CEP63: variants seen among roughly 807,000 people sequenced by gnomAD.
The protein encoded by CEP63 is centrosomal protein of 63 kDa.
Under a neutral mutation model 89.1 loss-of-function variants are expected in CEP63, and 84 were observed. The ratio of observed to expected loss-of-function variants is 0.94; its 90% CI spans 0.79 to 1.13. The LOEUF is 1.13. CEP63 is among the 50% of genes most tolerant of loss of function. The probability of loss-of-function intolerance (pLI) is 0.00; values close to 1 mark genes in which losing one functional copy is unlikely to be tolerated. For synonymous variants in CEP63, 267 were observed against 272.5 expected (o/e 0.98, Z 0.20); for missense variants, 838 against 813.3 (o/e 1.03, Z -0.37).
the CEP63 span, among the ~76,000 whole-genome samples, chr3:134,693,851 C>G: frequency 3.9e-5 from 6 of 152,160 alleles, no homozygotes; most frequent in Non-Finnish European, 5.9e-5. Flanking sequence ...GACCGATTAC[C>G]GGGGGCCTGG....
the CEP63 span, among the ~76,000 whole-genome samples, chr3:134,691,822 C>T: frequency 6.6e-6 from 1 of 151,920 alleles, no homozygotes; most frequent in African/African-American, 2.4e-5. Context: ...CGGGTTCAAG[C>T]GATTCTCCTG....
chr3:134,538,573 A>ATATATATATATGTAT (rs1951352612), intron 6 of CEP63, among the ~76,000 whole-genome samples: 1 of 141,818 alleles, frequency 7.1e-6, no homozygotes, highest in Non-Finnish European at 1.5e-5. Context: ...ATATTTTTTT[A>ATATATATATATGTAT]ACAACAAAAA....
At chr3:134,554,824 C>A (rs1955794533) in intron 12 of CEP63, among the ~76,000 whole-genome samples, 2 of 152,166 alleles carry the variant, frequency 1.3e-5, no homozygotes, top group African/African-American at 4.8e-5. Flanking sequence ...TTGCACTTCT[C>A]TGATGGCCAG....
intron 2 of CEP63, among the ~76,000 whole-genome samples, chr3:134,500,800 C>T (rs949552194): frequency 8.6e-5 from 13 of 151,978 alleles, no homozygotes; most frequent in Non-Finnish European, 1.6e-4. Context: ...TTCGCTCTGT[C>T]GGTAGTTTTT....
intron 2 of CEP63, among the ~76,000 whole-genome samples, chr3:134,502,405 C>T (rs988071222): frequency 6.6e-6 from 1 of 152,100 alleles, no homozygotes; most frequent in Non-Finnish European, 1.5e-5. Flanking sequence ...GGTACTACCT[C>T]TTATTTATAT....
chr3:134,588,839 G>T (rs1958540410), downstream of CEP63, among the ~76,000 whole-genome samples: 1 of 152,108 alleles, frequency 6.6e-6, no homozygotes, highest in Admixed American at 6.6e-5. Context: ...AGAAAAAAAT[G>T]TAAAGATACA....
intron 3 of CEP63, among the ~76,000 whole-genome samples, chr3:134,516,927 A>C (rs1248825953): frequency 1.3e-5 from 2 of 152,282 alleles, no homozygotes; most frequent in African/African-American, 4.8e-5. Flanking sequence ...AAAGCTGCTT[A>C]GATGAAATCT....
At chr3:134,635,287 A>G in the CEP63 span, among the ~76,000 whole-genome samples, 1 of 152,126 alleles carries the variant, frequency 6.6e-6, no homozygotes, top group Non-Finnish European at 1.5e-5. Flanking sequence ...ACTTGAGGTC[A>G]GGAGTTTGAG....
the CEP63 span, among the ~76,000 whole-genome samples, chr3:134,635,851 A>G: frequency 1.3e-5 from 2 of 152,258 alleles, no homozygotes; most frequent in Admixed American, 6.5e-5. Context: ...AACTCCTTTA[A>G]GACTTCATTT....
intron 3 of CEP63, among the ~76,000 whole-genome samples, chr3:134,522,410 C>T (rs1220815805): frequency 6.6e-6 from 1 of 151,954 alleles, no homozygotes; most frequent in Admixed American, 6.6e-5. Flanking sequence ...AAGAAGAGAG[C>T]CAAATGAGAG....
chr3:134,711,924 G>A, the CEP63 span, among the ~76,000 whole-genome samples: 2 of 151,744 alleles, frequency 1.3e-5, no homozygotes, highest in South Asian at 2.1e-4. Flanking sequence ...CACCATGCCC[G>A]GCTAATTTTT....
At chr3:134,674,466 A>T in the CEP63 span, among the ~76,000 whole-genome samples, 1 of 152,260 alleles carries the variant, frequency 6.6e-6, no homozygotes, top group Non-Finnish European at 1.5e-5. Context: ...ATCCATGAAT[A>T]TCACACAGCC....
the CEP63 span, among the ~76,000 whole-genome samples, chr3:134,694,447 C>T: frequency 1.2e-3 from 177 of 152,312 alleles, 1 homozygote; most frequent in East Asian, 0.026. Context: ...AGTCCCTGAG[C>T]GGAGCTGATC....
intron 2 of CEP63, among the ~76,000 whole-genome samples, chr3:134,501,519 G>A (rs1049413290): frequency 1.1e-4 from 16 of 151,868 alleles, no homozygotes; most frequent in Admixed American, 3.9e-4. Context: ...GCAGTGTTTT[G>A]TAATTCTTTT....
At chr3:134,556,594 C>G (rs1288437533) in intron 12 of CEP63, among the ~76,000 whole-genome samples, 1 of 152,210 alleles carries the variant, frequency 6.6e-6, no homozygotes, top group South Asian at 2.1e-4. Flanking sequence ...TTCAGCAGTA[C>G]TTGGTTGAGA....
chr3:134,532,766 C>T lies in CEP63; in HGVS notation c.319-12C>T, dbSNP rs1950093038. On this transcript the variant is annotated splice_polypyrimidine_tract_variant and intron_variant, in intron 4 of 14. Coordinates refer to ENST00000675561, the MANE Select transcript of CEP63 (RefSeq NM_001353108.3). ...TCTTAAACTTTAAATATAGAAATAA[C>T]TGTTTCTACAGTTATGCATACTGAA... is the stretch of plus-strand genomic sequence containing the variant. The T allele has an allele frequency of 6.3e-7, 1 of 1,590,526 alleles. No individual in the cohort carries two copies. Among genetic ancestry groups the T allele is most frequent in the Non-Finnish European group, 8.6e-7 (1 of 1,161,158 alleles).
chr3:134,577,104 A>G (rs1958232350), downstream of CEP63, among the ~76,000 whole-genome samples: 1 of 152,180 alleles, frequency 6.6e-6, no homozygotes, highest in Non-Finnish European at 1.5e-5. Flanking sequence ...GCCCAGCAGG[A>G]GGAGAGCCAT....
chr3:134,766,767 G>C, the CEP63 span, among the ~76,000 whole-genome samples: 2 of 152,196 alleles, frequency 1.3e-5, no homozygotes, highest in Admixed American at 6.5e-5. Context: ...GATGGAGCAG[G>C]CTCCAAGGAA....
chr3:134,735,550 C>T, the CEP63 span, among the ~76,000 whole-genome samples: 4 of 152,048 alleles, frequency 2.6e-5, no homozygotes, highest in Admixed American at 6.6e-5. Context: ...TATAGTATGA[C>T]GGTTGAGACA....
Sources: allele counts gnomAD v4.1 joint callset (sites outside exome capture counted in the v4.1 genomes callset), GRCh38; gene constraint gnomAD v4.1.1; transcripts MANE v1.5; gene names NCBI Gene and HGNC (gene_info 2026-07-23, HGNC 2026-07-21).